Variants in ST7L observed in about 807,000 individuals in gnomAD.
The protein encoded by ST7L is suppression of tumorigenicity 7 like.
Under a neutral mutation model 72.5 loss-of-function variants are expected in ST7L, and 57 were observed. That is an observed-to-expected ratio of 0.79 (90% confidence interval 0.64 to 0.98). The LOEUF is 0.98. Ranked by LOEUF, ST7L falls within the 50% of genes least tolerant of loss-of-function variation. The pLI is 0.00. For missense variants in ST7L, 576 were observed against 672.2 expected (o/e 0.86, Z 1.58); for synonymous variants, 221 against 240.9 (o/e 0.92, Z 0.77).
At position 112,576,994 on chromosome 1, in the gene ST7L, C is replaced by G. The variant is rs528977635; in HGVS notation, c.1237G>C (p.Val413Leu). Reference sequence around the variant, plus strand: ...ATCATAAAATTTCTCACTTTTGGAACATGAGGATTAAATTCCACAGCTCTA... The same window carrying G: ...ATCATAAAATTTCTCACTTTTGGAAGATGAGGATTAAATTCCACAGCTCTA... ...IHRAVEFNPH[V>L]PKYLLEMKSL... The change falls in exon 11 of 15, where the codon GTT (valine) becomes CTT (leucine). Residue 413 changes from valine to leucine, a missense_variant. Coordinates refer to ENST00000358039, the MANE Select transcript of ST7L (RefSeq NM_017744.5). The G allele has an allele frequency of 6.3e-7, 1 of 1,596,630 alleles. No homozygotes were observed. Among genetic ancestry groups the G allele is most frequent in the South Asian group, 1.1e-5 (1 of 87,764 alleles).
At chr1:112,581,353 C>G (rs1664081263) in intron 9 of ST7L, among the ~76,000 whole-genome samples, 1 of 151,978 alleles carries the variant, frequency 6.6e-6, no homozygotes, top group South Asian at 2.1e-4. Context: ...TCTGTATGCT[C>G]CACTAAACTG....
intron 6 of ST7L, among the ~76,000 whole-genome samples, chr1:112,586,917 T>C (rs1272453080): frequency 6.6e-6 from 1 of 152,226 alleles, no homozygotes; most frequent in Non-Finnish European, 1.5e-5. Context: ...ACCTATTAAG[T>C]AGTCACTCCC....
At chr1:112,581,921 A>G in intron 9 of ST7L, 71 bp downstream of exon 9, 2 of 1,077,282 alleles carry the variant, frequency 1.9e-6, no homozygotes, top group Non-Finnish European at 2.8e-6. Context: ...AAATACTAGA[A>G]TATAACCACA....
At chr1:112,594,231 C>T (rs1261299387) in intron 5 of ST7L, among the ~76,000 whole-genome samples, 1 of 144,306 alleles carries the variant, frequency 6.9e-6, no homozygotes, top group Non-Finnish European at 1.5e-5. Flanking sequence ...AAAAAAAGGG[C>T]TTACTTCTTA....
At chr1:112,589,856 G>C (rs1380026040) in intron 6 of ST7L, among the ~76,000 whole-genome samples, 2 of 152,200 alleles carry the variant, frequency 1.3e-5, no homozygotes, top group Non-Finnish European at 1.5e-5. Flanking sequence ...ACTTTCTCAA[G>C]TCTTTTCTGA....
At chr1:112,556,981 A>AAC (rs1659264523) in intron 11 of ST7L, among the ~76,000 whole-genome samples, 1 of 128,206 alleles carries the variant, frequency 7.8e-6, no homozygotes, top group African/African-American at 4.1e-5. Context: ...AAAAAAAAAA[A>AAC]AAACAAAAAA....
At chr1:112,547,561 CT>C (rs59755766) in intron 13 of ST7L, among the ~76,000 whole-genome samples, 1,415 of 61,956 alleles carry the variant, frequency 0.023, 5 homozygotes, top group African/African-American at 0.084. Flanking sequence ...TCTTTGTCAT[CT>C]TTTTTTTTTT....
intron 10 of ST7L, 40 bp from the exon 11 acceptor site, chr1:112,577,128 A>G: frequency 7.5e-7 from 1 of 1,340,616 alleles, no homozygotes; most frequent in Non-Finnish European, 1.0e-6. Flanking sequence ...AATATGCTAA[A>G]AAAAAGAAAA....
intron 13 of ST7L, among the ~76,000 whole-genome samples, chr1:112,542,327 A>T (rs544089506): frequency 6.6e-6 from 1 of 152,168 alleles, no homozygotes; most frequent in Non-Finnish European, 1.5e-5. Flanking sequence ...CATGGGAAAG[A>T]ATATTGATTA....
chr1:112,532,956 T>C (rs1338393162), intron 14 of ST7L, among the ~76,000 whole-genome samples: 1 of 152,230 alleles, frequency 6.6e-6, no homozygotes, highest in Non-Finnish European at 1.5e-5. Flanking sequence ...TTATAGGTTA[T>C]GATATTTTAG....
intron 9 of ST7L, among the ~76,000 whole-genome samples, chr1:112,580,400 G>T (rs531364602): frequency 1.3e-5 from 2 of 152,074 alleles, no homozygotes; most frequent in African/African-American, 2.4e-5. Context: ...CAATCCACCC[G>T]CTTCAGCTTC....
chr1:112,605,775 C>T (rs568752726), intron 3 of ST7L, among the ~76,000 whole-genome samples: 2 of 152,190 alleles, frequency 1.3e-5, no homozygotes, highest in Admixed American at 6.5e-5. Flanking sequence ...GTGTCACCCC[C>T]ATATCTCTGT....
rs765855674 is a variant in ST7L, at chr1:112,555,851, T to A, written c.1396+17A>T. 6.7e-7 allele frequency: 1 copy of A among 1,482,184 alleles called. No individual in the cohort carries two copies. Among genetic ancestry groups the A allele is most frequent in the African/African-American group, 1.4e-5 (1 of 71,088 alleles). 91.8% of individuals were successfully genotyped at this position (1,482,184 alleles called of 1,614,324 possible). A position where few individuals can be genotyped will look rare whatever the true frequency, so the allele number is the denominator to read the frequency against. ...TAGTTAGAGAGATTAGTGTTACTTT[T>A]GGAAAAGAATACTTACTGCCTTCCC... On this transcript the variant is annotated intron_variant, in intron 12 of 14. Transcript: ENST00000358039.
At chr1:112,554,478 T>C (rs1343879763) in intron 12 of ST7L, among the ~76,000 whole-genome samples, 1 of 152,152 alleles carries the variant, frequency 6.6e-6, no homozygotes, top group African/African-American at 2.4e-5. Context: ...ATAACAAGTG[T>C]TGACAAGGAT....
chr1:112,571,213 C>A lies in ST7L; in HGVS notation c.1245+5773G>T, dbSNP rs192382309. 99 of 419,336 alleles carry A rather than the reference C, an allele frequency of 2.4e-4. 1 individual carries two copies. The Admixed American group carries it at 2.9e-3, about 12-fold the overall frequency. 26.0% of individuals were successfully genotyped at this position (419,336 alleles called of 1,614,324 possible). ...AAAAACCTTAATAATTATTGTGTTT[C>A]ATAACACTCGGCTTAAAGGGTCTAT... On this transcript the variant is annotated intron_variant, in intron 11 of 14. Transcript: ENST00000358039.
At chr1:112,555,760 G>C in intron 12 of ST7L, 108 bp downstream of exon 12, 1 of 1,108,128 alleles carries the variant, frequency 9.0e-7, no homozygotes, top group Non-Finnish European at 1.2e-6. Flanking sequence ...AAACCAATCT[G>C]AACGACAAAT....
intron 11 of ST7L, among the ~76,000 whole-genome samples, chr1:112,562,034 A>G (rs1323052822): frequency 6.7e-6 from 1 of 149,522 alleles, no homozygotes; most frequent in East Asian, 2.0e-4. Context: ...TGGTATGATC[A>G]TAGCTCACTG....
chr1:112,550,504 G>A, intron 13 of ST7L, 97 bp downstream of exon 13: 1 of 874,950 alleles, frequency 1.1e-6, no homozygotes, highest in Admixed American at 2.3e-5. Context: ...ACAGTGTCCT[G>A]AATTTAAACC....
Position 112,560,690 on chromosome 1 carries a change from G to A in ST7L, c.1246-4672C>T, listed in dbSNP as rs139358270. ...ATTAAAATACTTATTGGCCAGGCGC[G>A]GTGGCTCACACCTGTAATCCCAGCA... is the stretch of plus-strand genomic sequence containing the variant. On this transcript the variant is annotated intron_variant, in intron 11 of 14. Coordinates refer to ENST00000358039, the MANE Select transcript of ST7L (RefSeq NM_017744.5). 4.7e-3 allele frequency among the ~76,000 whole-genome samples: 711 copies of A among 151,852 alleles called. 8 individuals carry two copies. Among genetic ancestry groups the A allele is most frequent in the African/African-American group, 0.016 (671 of 41,384 alleles).
Sources: gnomAD v4.1 joint callset for allele counts (sites outside exome capture counted in the v4.1 genomes callset) on GRCh38, gnomAD v4.1.1 for gene constraint, MANE v1.5 for transcripts, NCBI Gene and HGNC (gene_info 2026-07-23, HGNC 2026-07-21) for gene names.